The following OCA2 variants were observed in gnomAD, a reference collection of about 807,000 sequenced individuals.
The protein encoded by OCA2 is OCA2 melanosomal transmembrane protein.
Under a neutral mutation model 100.2 loss-of-function variants are expected in OCA2, and 77 were observed. That is an observed-to-expected ratio of 0.77 (90% CI 0.64 to 0.93). The LOEUF (loss-of-function observed/expected upper bound fraction) is 0.93, where lower values mean the gene tolerates loss of function less well. OCA2 is among the 40% of genes least tolerant of loss of function. The pLI is 0.00. For missense variants in OCA2, 1,062 were observed against 1,089.1 expected (o/e 0.98, Z 0.35); for synonymous variants, 432 against 439.2 (o/e 0.98, Z 0.21).
At chr15:27,829,637 C>T (rs765971952) in intron 23 of OCA2, among the ~76,000 whole-genome samples, 7 of 152,210 alleles carry the variant, frequency 4.6e-5, no homozygotes, top group Admixed American at 6.5e-5. Flanking sequence ...CTGTGGCCAA[C>T]ATGGCCTTTG....
At chr15:27,770,665 A>G (rs941381589) in intron 23 of OCA2, among the ~76,000 whole-genome samples, 1 of 149,772 alleles carries the variant, frequency 6.7e-6, no homozygotes. Flanking sequence ...TCTGAATCCA[A>G]GATGGACAGC....
chr15:27,989,381 T>C (rs1403205963), intron 11 of OCA2, among the ~76,000 whole-genome samples: 1 of 152,218 alleles, frequency 6.6e-6, no homozygotes, highest in African/African-American at 2.4e-5. Context: ...GCAATATGAC[T>C]TCATCGTCAG....
intron 9 of OCA2, among the ~76,000 whole-genome samples, chr15:28,009,483 T>TTC (rs758379968): frequency 2.0e-5 from 3 of 151,614 alleles, no homozygotes; most frequent in Non-Finnish European, 4.4e-5. Context: ...AGGCCAGGAG[T>TTC]TCATGACCAG....
chr15:27,900,961 T>C (rs143614075), intron 19 of OCA2, among the ~76,000 whole-genome samples: 101 of 152,252 alleles, frequency 6.6e-4, no homozygotes, highest in South Asian at 1.0e-3. Context: ...AAGAAGTGAG[T>C]TAACTAACAA....
In OCA2 at chr15:27,841,036, C is replaced by T. The variant is rs193185723; in HGVS notation, c.2432+3923G>A. ...GAGAAAATGTCCTATCTGCTTTATTCGTAAGAGCCCCAAACTGGAAACAAG... is the reference window on the plus strand; with the variant it reads ...GAGAAAATGTCCTATCTGCTTTATTTGTAAGAGCCCCAAACTGGAAACAAG... On this transcript the variant is annotated intron_variant, in intron 23 of 23. Coordinates refer to ENST00000354638, the MANE Select transcript of OCA2 (RefSeq NM_000275.3). Among the ~76,000 whole-genome samples, 536 of 152,284 alleles carry T rather than the reference C, an allele frequency of 3.5e-3. 1 individual carries two copies. The highest frequency in any genetic ancestry group is 5.5e-3 in the Non-Finnish European group (377 of 68,018).
chr15:28,025,148 G>T (rs2042711499), intron 4 of OCA2, among the ~76,000 whole-genome samples: 1 of 152,198 alleles, frequency 6.6e-6, no homozygotes, highest in African/African-American at 2.4e-5. Context: ...ATAGCTTGTT[G>T]TTGGGGAAAC....
intron 14 of OCA2, among the ~76,000 whole-genome samples, chr15:27,981,758 T>TCTGC (rs1391022843): frequency 6.6e-6 from 1 of 152,136 alleles, no homozygotes; most frequent in Admixed American, 6.5e-5. Context: ...ATCTGAACAC[T>TCTGC]CTGCTGAACA....
At chr15:27,989,830 AAC>A (rs1345580300) in intron 10 of OCA2, among the ~76,000 whole-genome samples, 164 bp from the exon 11 acceptor site, 2 of 152,282 alleles carry the variant, frequency 1.3e-5, no homozygotes, top group Admixed American at 6.5e-5. Context: ...GCTGCTGAAA[AAC>A]AGTCTTGACC....
intron 19 of OCA2, among the ~76,000 whole-genome samples, chr15:27,883,071 C>T (rs77269045): frequency 0.016 from 2,369 of 152,226 alleles, 56 homozygotes; most frequent in African/African-American, 0.05. Context: ...AACTGGGGGG[C>T]TTCTTTGGCT....
chr15:27,722,645 CCTT>C, the OCA2 span, among the ~76,000 whole-genome samples: 46 of 147,150 alleles, frequency 3.1e-4, 3 homozygotes, highest in South Asian at 2.5e-3. Context: ...TTCCTTCCTT[CCTT>C]CTTTTCTCTC....
chr15:27,730,114 C>T, the OCA2 span, among the ~76,000 whole-genome samples: 3 of 152,330 alleles, frequency 2.0e-5, no homozygotes, highest in African/African-American at 7.2e-5. Flanking sequence ...CCTGGTCCTC[C>T]TATGCTTCTA....
rs563408653 is a variant in OCA2 at position 27,817,822 on chromosome 15, A to T, written c.2432+27137T>A. On this transcript the variant is annotated intron_variant, in intron 23 of 23. Transcript: ENST00000354638. ...TTGCATATAAACTTTGGGGATCCTTATAAGAAGGGCCCACGCTTTTACATA... is the reference window on the plus strand; with the variant it reads ...TTGCATATAAACTTTGGGGATCCTTTTAAGAAGGGCCCACGCTTTTACATA... Among the ~76,000 whole-genome samples the T allele has an allele frequency of 3.3e-5, 5 of 152,282 alleles. No individual in the cohort carries two copies. In the South Asian group the frequency reaches 1.0e-3, roughly 32 times the overall value.
rs765325553 is a variant in OCA2, at chr15:28,016,171, T to TGA, written c.822_823insTC (p.Thr275SerfsTer5). The TGA allele has an allele frequency of 6.3e-5, 101 of 1,614,122 alleles. No homozygotes were observed. The African/African-American group carries it at 1.1e-3, about 18-fold the overall frequency. On this transcript the variant is annotated frameshift_variant, in exon 8 of 24. Coordinates refer to ENST00000354638, the MANE Select transcript of OCA2 (RefSeq NM_000275.3). LOFTEE classifies it high-confidence loss of function. ...CTTCTCCTCGGATTTAAATACACCG[T>TGA]CCAGTTGTGAGTGACCTGTACAAGC...
the OCA2 span, among the ~76,000 whole-genome samples, chr15:27,741,682 G>T: frequency 4.6e-5 from 7 of 152,116 alleles, no homozygotes; most frequent in Non-Finnish European, 7.4e-5. Flanking sequence ...TATGTAAGTC[G>T]CATGGGAAAG....
chr15:27,816,097 G>T (rs2034288282), intron 23 of OCA2, among the ~76,000 whole-genome samples: 1 of 152,130 alleles, frequency 6.6e-6, no homozygotes, highest in Admixed American at 6.5e-5. Context: ...TTTCACCATT[G>T]CACTCCAGCC....
Position 27,760,607 on chromosome 15 carries a change from A to G in OCA2, c.2433-5135T>C, listed in dbSNP as rs1336146113. 3.9e-5 allele frequency among the ~76,000 whole-genome samples: 6 copies of G among 152,146 alleles called. No individual in the cohort carries two copies. The South Asian group carries it at 1.0e-3, about 26-fold the overall frequency. ...AAAAGAGAAAAAAGAGAAATGGTCA[A>G]TATCAATGAAACAGGAGTCATCACA... is the stretch of plus-strand genomic sequence containing the variant. On this transcript the variant is annotated intron_variant, in intron 23 of 23. Coordinates refer to ENST00000354638, the MANE Select transcript of OCA2 (RefSeq NM_000275.3).
intron 23 of OCA2, among the ~76,000 whole-genome samples, chr15:27,844,192 C>T (rs28675364): frequency 0.099 from 15,016 of 152,128 alleles, 1,704 homozygotes; most frequent in African/African-American, 0.27. Flanking sequence ...TGCAGGCATC[C>T]GCTGGACGCC....
At chr15:27,796,687 G>A (rs763141859) in intron 23 of OCA2, among the ~76,000 whole-genome samples, 4 of 152,190 alleles carry the variant, frequency 2.6e-5, no homozygotes, top group African/African-American at 9.7e-5. Context: ...GCCTATCATC[G>A]TCCAGAGCAC....
intron 6 of OCA2, 86 bp from the exon 7 acceptor site, chr15:28,018,643 A>G: frequency 7.7e-7 from 1 of 1,300,892 alleles, no homozygotes; most frequent in Non-Finnish European, 1.1e-6. Context: ...CTCCTCTGAC[A>G]GTGTGTGAAG....
Sources: gnomAD v4.1 joint callset for allele counts (sites outside exome capture counted in the v4.1 genomes callset) on GRCh38, gnomAD v4.1.1 for gene constraint, MANE v1.5 for transcripts, NCBI Gene and HGNC (gene_info 2026-07-23, HGNC 2026-07-21) for gene names.